The following SNTG1 variants were observed in gnomAD, a reference collection of about 807,000 sequenced individuals.
The protein encoded by SNTG1 is gamma-1-syntrophin.
In SNTG1, 39 loss-of-function variants were observed where a neutral mutation model predicts 74.7. That is an observed-to-expected ratio of 0.52 (90% CI 0.40 to 0.68). The LOEUF is 0.68. Ranked by LOEUF, SNTG1 falls within the 30% of genes least tolerant of loss-of-function variation. The pLI is 0.00. For missense variants in SNTG1, 685 were observed against 609.5 expected, an observed-to-expected ratio of 1.12 and a Z score of -1.30; for synonymous variants, 254 against 217.1, an observed-to-expected ratio of 1.17 and a Z score of -1.49.
At chr8:50,741,046 C>T (rs1049504764) in intron 17 of SNTG1, among the ~76,000 whole-genome samples, 6 of 152,000 alleles carry the variant, frequency 3.9e-5, no homozygotes, top group African/African-American at 1.4e-4. Flanking sequence ...GGGTACTAGG[C>T]TTAATACCTG....
chr8:50,086,171 G>C (rs1348580506), intron 1 of SNTG1, among the ~76,000 whole-genome samples: 2 of 152,174 alleles, frequency 1.3e-5, no homozygotes, highest in African/African-American at 4.8e-5. Context: ...GGGCCACATA[G>C]GGGACTACAG....
chr8:49,926,265 G>A (rs1203292286), intron 1 of SNTG1, among the ~76,000 whole-genome samples: 2 of 151,742 alleles, frequency 1.3e-5, no homozygotes, highest in African/African-American at 2.4e-5. Context: ...GTTCTATTAC[G>A]AAAAAATAAA....
intron 9 of SNTG1, among the ~76,000 whole-genome samples, chr8:50,507,186 G>C (rs1402129666): frequency 6.6e-6 from 1 of 151,870 alleles, no homozygotes; most frequent in East Asian, 1.9e-4. Flanking sequence ...AGTCACACTT[G>C]ATCATGGTGT....
chr8:50,358,390 G>A (rs1289210867), intron 2 of SNTG1, among the ~76,000 whole-genome samples: 1 of 152,286 alleles, frequency 6.6e-6, no homozygotes, highest in Admixed American at 6.5e-5. Context: ...TGAGTTCCAT[G>A]TGTCCTCAGG....
chr8:50,287,242 T>C (rs2088837781), intron 2 of SNTG1, among the ~76,000 whole-genome samples: 1 of 152,146 alleles, frequency 6.6e-6, no homozygotes, highest in African/African-American at 2.4e-5. Context: ...TTAAGCTCTA[T>C]CTCTCAAAAT....
chr8:50,399,337 CAACT>C (rs2092770762), intron 3 of SNTG1, among the ~76,000 whole-genome samples: 1 of 152,172 alleles, frequency 6.6e-6, no homozygotes, highest in Admixed American at 6.5e-5. Context: ...GTTTTCCAGA[CAACT>C]ATCTAATAAT....
intron 1 of SNTG1, among the ~76,000 whole-genome samples, chr8:49,963,248 C>A (rs1283722098): frequency 6.6e-6 from 1 of 152,196 alleles, no homozygotes; most frequent in Non-Finnish European, 1.5e-5. Flanking sequence ...CATCTACCCA[C>A]AGCATGTGCT....
chr8:50,794,838 C>T lies in SNTG1; in HGVS notation c.*2009C>T, dbSNP rs1436215548. On this transcript the variant is annotated 3_prime_UTR_variant, in exon 19 of 19. Transcript: ENST00000642720. ...AAAGAAAAACGTTTCAACAGTTTAC[C>T]TACCTGTAATAGAATGATTTAAAAA... 1 of 151,908 alleles carries T rather than the reference C, an allele frequency of 6.6e-6. No individual in the cohort carries two copies. The highest frequency in any genetic ancestry group is 1.5e-5 in the Non-Finnish European group (1 of 67,926). The allele number at this position is 151,908 out of a possible 1,614,324, so 9.4% of individuals were successfully genotyped here.
At chr8:50,104,628 T>C (rs1459626442) in intron 1 of SNTG1, among the ~76,000 whole-genome samples, 1 of 152,194 alleles carries the variant, frequency 6.6e-6, no homozygotes, top group Non-Finnish European at 1.5e-5. Context: ...TTGCTCTTGC[T>C]TTTCTAATTC....
At chr8:50,618,528 C>G (rs2094899598) in intron 13 of SNTG1, among the ~76,000 whole-genome samples, 1 of 152,194 alleles carries the variant, frequency 6.6e-6, no homozygotes, top group Non-Finnish European at 1.5e-5. Context: ...AGGCTTAAAA[C>G]AGCACACATT....
intron 1 of SNTG1, among the ~76,000 whole-genome samples, chr8:49,927,222 A>C (rs904029815): frequency 2.0e-5 from 3 of 152,200 alleles, no homozygotes; most frequent in African/African-American, 7.2e-5. Flanking sequence ...ACATACTCTT[A>C]GCATACAATC....
chr8:50,618,709 T>A (rs897113020), intron 13 of SNTG1, among the ~76,000 whole-genome samples: 1 of 152,220 alleles, frequency 6.6e-6, no homozygotes, highest in African/African-American at 2.4e-5. Flanking sequence ...TGTAGCTGTA[T>A]GACTGATGGC....
intron 4 of SNTG1, among the ~76,000 whole-genome samples, chr8:50,403,905 T>C (rs2092836823): frequency 6.6e-6 from 1 of 152,194 alleles, no homozygotes. Flanking sequence ...AAGTCAAGGA[T>C]AATACCTTGC....
chr8:50,186,980 T>C (rs1014929477), intron 2 of SNTG1, among the ~76,000 whole-genome samples: 3 of 152,148 alleles, frequency 2.0e-5, no homozygotes, highest in African/African-American at 7.2e-5. Context: ...TGAATGGTAT[T>C]GCCTGCATTT....
At chr8:50,640,893 C>G (rs964909280) in intron 13 of SNTG1, among the ~76,000 whole-genome samples, 2 of 152,136 alleles carry the variant, frequency 1.3e-5, no homozygotes, top group African/African-American at 4.8e-5. Context: ...GCCCCAAGCT[C>G]ATAATATCCC....
At position 50,441,266 on chromosome 8, in the gene SNTG1, C is replaced by A. The variant is rs190966614; in HGVS notation, c.219+2667C>A. Among the ~76,000 whole-genome samples, 66 of 152,284 alleles carry A rather than the reference C, an allele frequency of 4.3e-4. 1 individual carries two copies. The East Asian group carries it at 0.012, about 27-fold the overall frequency. On this transcript the variant is annotated intron_variant, in intron 5 of 18. Transcript: ENST00000642720. ...GTGCAATATTGCTGTCTCTCTCAAGCCCTGTCTCCAGCCAGGGTACCTTGT... is the reference window on the plus strand; with the variant it reads ...GTGCAATATTGCTGTCTCTCTCAAGACCTGTCTCCAGCCAGGGTACCTTGT...
At chr8:50,039,514 C>T (rs1338650133) in intron 1 of SNTG1, among the ~76,000 whole-genome samples, 1 of 138,822 alleles carries the variant, frequency 7.2e-6, no homozygotes, top group Non-Finnish European at 1.5e-5. Context: ...ATGTCTTTAT[C>T]TAAAATGGGT....
At chr8:50,531,279 T>G (rs2094264997) in intron 10 of SNTG1, among the ~76,000 whole-genome samples, 1 of 152,116 alleles carries the variant, frequency 6.6e-6, no homozygotes, top group Admixed American at 6.6e-5. Context: ...TAGGGATATT[T>G]TCTAAAACCA....
intron 1 of SNTG1, among the ~76,000 whole-genome samples, chr8:49,979,979 T>C (rs1277891245): frequency 6.6e-6 from 1 of 152,182 alleles, no homozygotes; most frequent in Non-Finnish European, 1.5e-5. Context: ...ATTCGCTCAA[T>C]GTATTTGACA....
Sources: allele counts gnomAD v4.1 joint callset (sites outside exome capture counted in the v4.1 genomes callset), GRCh38; gene constraint gnomAD v4.1.1; transcripts MANE v1.5; gene names NCBI Gene and HGNC (gene_info 2026-07-23, HGNC 2026-07-21).